Variants in B3GALT1 observed in about 807,000 individuals in gnomAD.
B3GALT1 encodes the protein beta-1,3-galactosyltransferase 1.
A neutral mutation model predicts 23.2 loss-of-function variants in B3GALT1; 10 were observed. The ratio of observed to expected loss-of-function variants is 0.43; its 90% CI spans 0.27 to 0.73. The LOEUF (loss-of-function observed/expected upper bound fraction) is 0.73. Among genes scored for constraint, B3GALT1 ranks in the 30% least tolerant of loss-of-function variants. B3GALT1 has a pLI of 0.21. For missense variants in B3GALT1, 299 were observed against 405.4 expected (o/e 0.74, Z 2.25); for synonymous variants, 156 against 141.5 (o/e 1.10, Z -0.73).
intron 3 of B3GALT1, among the ~76,000 whole-genome samples, chr2:167,767,802 G>A (rs1299304563): frequency 3.9e-5 from 6 of 151,976 alleles, no homozygotes; most frequent in South Asian, 4.1e-4. Flanking sequence ...TCTACAGAAC[G>A]AATACAATAT....
chr2:167,495,174 G>A (rs942663063), intron 2 of B3GALT1, among the ~76,000 whole-genome samples: 13 of 152,078 alleles, frequency 8.5e-5, no homozygotes, highest in African/African-American at 2.7e-4. Flanking sequence ...ATAAGCATTG[G>A]TGGCAGACGT....
At chr2:167,668,807 T>G (rs1216507357) in intron 3 of B3GALT1, among the ~76,000 whole-genome samples, 1 of 152,338 alleles carries the variant, frequency 6.6e-6, no homozygotes, top group Non-Finnish European at 1.5e-5. Flanking sequence ...CTGCTTCGGC[T>G]CGCGCACGGT....
chr2:167,580,339 C>A (rs1353091789), intron 2 of B3GALT1, among the ~76,000 whole-genome samples: 1 of 152,258 alleles, frequency 6.6e-6, no homozygotes, highest in South Asian at 2.1e-4. Flanking sequence ...CACTTTCTCT[C>A]CCCTCCAACC....
Position 167,737,757 on chromosome 2 carries a change from G to A in B3GALT1, c.-351-80915G>A, listed in dbSNP as rs982412749. Among the ~76,000 whole-genome samples the A allele has an allele frequency of 2.0e-5, 3 of 152,210 alleles. No individual in the cohort carries two copies. In the East Asian group the frequency reaches 5.8e-4, roughly 29 times the overall value. ...TGTTGTATTTCCTCATGAATCCAAG[G>A]AGTAGAGTCAGTGGAAGCTACATGT... On this transcript the variant is annotated intron_variant, in intron 3 of 4. Transcript: ENST00000392690.
chr2:167,359,681 T>C (rs1053442543), intron 1 of B3GALT1, among the ~76,000 whole-genome samples: 1 of 152,188 alleles, frequency 6.6e-6, no homozygotes, highest in Non-Finnish European at 1.5e-5. Flanking sequence ...CATTCAAGAA[T>C]GCCATCTTCA....
At chr2:167,460,852 C>A (rs1045711642) in intron 1 of B3GALT1, among the ~76,000 whole-genome samples, 1 of 152,126 alleles carries the variant, frequency 6.6e-6, no homozygotes, top group Non-Finnish European at 1.5e-5. Context: ...AACTTAAGAT[C>A]TTCTTAGGTC....
intron 3 of B3GALT1, among the ~76,000 whole-genome samples, chr2:167,744,933 T>C (rs1484186408): frequency 6.6e-6 from 1 of 152,220 alleles, no homozygotes; most frequent in Admixed American, 6.5e-5. Flanking sequence ...TGTTTTTATA[T>C]TCAATCAAAT....
intron 1 of B3GALT1, among the ~76,000 whole-genome samples, chr2:167,293,690 G>T (rs1324948211): frequency 6.6e-6 from 1 of 152,160 alleles, no homozygotes; most frequent in Non-Finnish European, 1.5e-5. Context: ...GATGCTGTTG[G>T]CTCGGCGGGA....
intron 4 of B3GALT1, among the ~76,000 whole-genome samples, chr2:167,819,835 G>A (rs2105363781): frequency 6.6e-6 from 1 of 152,300 alleles, no homozygotes; most frequent in South Asian, 2.1e-4. Context: ...ATAGTAATTT[G>A]CACTGGATAT....
intron 3 of B3GALT1, among the ~76,000 whole-genome samples, chr2:167,772,144 G>A (rs533043398): frequency 5.3e-5 from 8 of 152,200 alleles, no homozygotes; most frequent in South Asian, 2.1e-4. Flanking sequence ...AAACTATCAC[G>A]TGCCTAATTG....
intron 2 of B3GALT1, among the ~76,000 whole-genome samples, chr2:167,644,697 T>A (rs371421319): frequency 6.7e-6 from 1 of 148,332 alleles, no homozygotes; most frequent in African/African-American, 2.5e-5. Context: ...GGAGAATGGC[T>A]TGAACCCGGG....
At chr2:167,638,665 A>G (rs1685600995) in intron 2 of B3GALT1, among the ~76,000 whole-genome samples, 1 of 152,106 alleles carries the variant, frequency 6.6e-6, no homozygotes, top group South Asian at 2.1e-4. Flanking sequence ...ATTTGATAAT[A>G]ACACTGGATC....
chr2:167,424,676 G>A (rs1639535847), intron 1 of B3GALT1, among the ~76,000 whole-genome samples: 1 of 152,070 alleles, frequency 6.6e-6, no homozygotes, highest in Non-Finnish European at 1.5e-5. Flanking sequence ...TAAGTCCTAG[G>A]GCTGTCTCAT....
chr2:167,763,690 G>GAAAAAAAAAAAAAAAA, intron 3 of B3GALT1, among the ~76,000 whole-genome samples: 1 of 82,064 alleles, frequency 1.2e-5, no homozygotes. Flanking sequence ...GACTCTGTCA[G>GAAAAAAAAAAAAAAAA]AAAAAAAAAA....
intron 3 of B3GALT1, among the ~76,000 whole-genome samples, chr2:167,712,934 G>A (rs1687085128): frequency 6.6e-6 from 1 of 152,128 alleles, no homozygotes; most frequent in Admixed American, 6.5e-5. Context: ...GTCAATAGGG[G>A]GAAAAATACC....
intron 2 of B3GALT1, among the ~76,000 whole-genome samples, chr2:167,618,349 C>G (rs1403940594): frequency 2.0e-5 from 3 of 151,986 alleles, no homozygotes; most frequent in East Asian, 3.9e-4. Flanking sequence ...TACATTTCAT[C>G]CATAGTACTC....
At chr2:167,454,032 C>G (rs775454105) in intron 1 of B3GALT1, among the ~76,000 whole-genome samples, 32 of 147,016 alleles carry the variant, frequency 2.2e-4, no homozygotes, top group Non-Finnish European at 4.3e-4. Flanking sequence ...ATTTAAAGCT[C>G]TCTGATTTTT....
At chr2:167,753,331 C>T (rs1027142920) in intron 3 of B3GALT1, among the ~76,000 whole-genome samples, 1 of 152,212 alleles carries the variant, frequency 6.6e-6, no homozygotes, top group Non-Finnish European at 1.5e-5. Context: ...CTGCGCTAGC[C>T]ATGGGACTAA....
intron 1 of B3GALT1, among the ~76,000 whole-genome samples, chr2:167,354,895 C>T (rs1434799459): frequency 6.6e-6 from 1 of 152,130 alleles, no homozygotes; most frequent in Non-Finnish European, 1.5e-5. Flanking sequence ...TCATATTATA[C>T]ATCAACCATG....
Sources: gnomAD v4.1 joint callset for allele counts (sites outside exome capture counted in the v4.1 genomes callset) on GRCh38, gnomAD v4.1.1 for gene constraint, MANE v1.5 for transcripts, NCBI Gene and HGNC (gene_info 2026-07-23, HGNC 2026-07-21) for gene names.